Variants in DOCK9 observed in about 807,000 individuals in gnomAD.
DOCK9 encodes dedicator of cytokinesis protein 9.
In DOCK9, 89 loss-of-function variants were observed where a neutral mutation model predicts 263.3. The observed-to-expected ratio is 0.34, with a 90% CI of 0.28 to 0.40. DOCK9 has a LOEUF of 0.40. Among genes scored for constraint, DOCK9 ranks in the 10% least tolerant of loss-of-function variants. DOCK9 has a pLI of 1.00. For missense variants in DOCK9, 2,140 were observed against 2,603.4 expected, an observed-to-expected ratio of 0.82 and a Z score of 3.87; for synonymous variants, 976 against 973.1, an observed-to-expected ratio of 1.00 and a Z score of -0.06.
chr13:98,891,816 GT>G (rs11450748), intron 15 of DOCK9, among the ~76,000 whole-genome samples: 5 of 147,128 alleles, frequency 3.4e-5, no homozygotes, highest in Admixed American at 1.4e-4. Context: ...TTTAAAAGTT[GT>G]TTTTTTTTTT....
chr13:98,948,437 C>T (rs888215263), intron 2 of DOCK9, among the ~76,000 whole-genome samples: 9 of 152,186 alleles, frequency 5.9e-5, no homozygotes, highest in Non-Finnish European at 7.3e-5. Context: ...GGACTCACTC[C>T]TCAACCTGAT....
At chr13:98,856,800 T>G (rs1413841386) in intron 33 of DOCK9, 1 of 152,230 alleles carries the variant, frequency 6.6e-6, no homozygotes, top group Non-Finnish European at 1.5e-5. Flanking sequence ...ATTAAGTTAT[T>G]TGGTCCTAAG....
At chr13:98,936,797 G>A (rs2054924797) in intron 2 of DOCK9, among the ~76,000 whole-genome samples, 1 of 152,110 alleles carries the variant, frequency 6.6e-6, no homozygotes, top group Non-Finnish European at 1.5e-5. Context: ...GCATGAGTGA[G>A]CACTCTGTTT....
chr13:98,860,413 GA>G lies in DOCK9; in HGVS notation c.3688del (p.Ser1230ProfsTer17). ...AGAGCATGGAGCGTTACCAATGCCGGAGATGGCGCCCAGCAGGTCCTTGTGC... is the reference window on the plus strand; with the variant it reads ...AGAGCATGGAGCGTTACCAATGCCGGGATGGCGCCCAGCAGGTCCTTGTGC... ...SLHKDLLGAI[S>X]GIASPYTTST... On this transcript the variant is annotated frameshift_variant, in exon 33 of 53. Coordinates refer to ENST00000682017, the MANE Select transcript of DOCK9 (RefSeq NM_001366683.2). LOFTEE classifies it high-confidence loss of function. The G allele has an allele frequency of 6.3e-7, 1 of 1,586,336 alleles. No homozygotes were observed. The highest frequency in any genetic ancestry group is 8.6e-7 in the Non-Finnish European group (1 of 1,165,054).
chr13:98,855,670 G>A (rs1188211023), intron 34 of DOCK9, among the ~76,000 whole-genome samples: 2 of 152,080 alleles, frequency 1.3e-5, no homozygotes, highest in East Asian at 1.9e-4. Flanking sequence ...CACTCAAGAC[G>A]CTCCACTGCA....
At chr13:98,944,625 C>T (rs1052571137) in intron 2 of DOCK9, among the ~76,000 whole-genome samples, 1 of 152,156 alleles carries the variant, frequency 6.6e-6, no homozygotes, top group African/African-American at 2.4e-5. Flanking sequence ...AGTCCTATGC[C>T]AGGGCACATG....
intron 1 of DOCK9, among the ~76,000 whole-genome samples, chr13:98,989,072 T>C (rs1251050400): frequency 6.6e-6 from 1 of 152,160 alleles, no homozygotes; most frequent in Non-Finnish European, 1.5e-5. Flanking sequence ...CCTCACCTCA[T>C]GTCTCCAGAA....
At chr13:99,050,957 C>A (rs1011062589) in intron 1 of DOCK9, among the ~76,000 whole-genome samples, 2 of 152,222 alleles carry the variant, frequency 1.3e-5, no homozygotes, top group Admixed American at 6.5e-5. Flanking sequence ...CAAGCACAAG[C>A]AGCTCATCCT....
chr13:98,868,297 A>T lies in DOCK9; in HGVS notation c.3024T>A (p.Thr1008=). The T allele has an allele frequency of 6.2e-7, 1 of 1,613,948 alleles. No individual in the cohort carries two copies. Among genetic ancestry groups the T allele is most frequent in the Admixed American group, 1.7e-5 (1 of 60,018 alleles). ...TVVNMLMPHI[T]QKFRDNPEAS... ...CCTCTGGATTATCTCGAAACTTCTG[A>T]GTGATGTGTGGCATCAGCATATTTA... The change falls in exon 28 of 53, where the codon ACT becomes ACA. Residue 1008 remains threonine, a synonymous_variant. Transcript: ENST00000682017.
At chr13:99,053,301 T>C (rs2040785768) in intron 1 of DOCK9, among the ~76,000 whole-genome samples, 1 of 152,206 alleles carries the variant, frequency 6.6e-6, no homozygotes, top group South Asian at 2.1e-4. Flanking sequence ...GCAAAGAAGA[T>C]AAATTTTGTC....
At chr13:98,840,722 G>C (rs2093179074) in intron 38 of DOCK9, among the ~76,000 whole-genome samples, 1 of 152,126 alleles carries the variant, frequency 6.6e-6, no homozygotes, top group Admixed American at 6.5e-5. Flanking sequence ...AGGACATTTG[G>C]GATAGAAGAG....
At chr13:98,907,561 G>GATAT (rs1332406547) in intron 9 of DOCK9, among the ~76,000 whole-genome samples, 2 of 152,164 alleles carry the variant, frequency 1.3e-5, no homozygotes, top group Non-Finnish European at 2.9e-5. Flanking sequence ...ACACCCAACA[G>GATAT]ATATATTCTT....
intron 20 of DOCK9, 184 bp from the exon 21 acceptor site, chr13:98,885,276 G>T: frequency 1.2e-6 from 1 of 816,606 alleles, no homozygotes; most frequent in Non-Finnish European, 1.8e-6. Context: ...AGGCCTTTTC[G>T]GGGTTAGAAT....
intron 2 of DOCK9, among the ~76,000 whole-genome samples, chr13:98,937,722 T>G (rs1443674803): frequency 6.6e-6 from 1 of 151,704 alleles, no homozygotes; most frequent in Non-Finnish European, 1.5e-5. Flanking sequence ...GCTTTTTTTT[T>G]TTTTTTAACA....
intron 38 of DOCK9, among the ~76,000 whole-genome samples, chr13:98,843,490 C>G (rs1183650971): frequency 6.6e-6 from 1 of 152,164 alleles, no homozygotes; most frequent in Non-Finnish European, 1.5e-5. Context: ...CATTCAAACA[C>G]ATAATGAGAA....
intron 1 of DOCK9, among the ~76,000 whole-genome samples, chr13:99,004,092 C>G (rs1266466664): frequency 6.6e-6 from 1 of 152,152 alleles, no homozygotes; most frequent in Non-Finnish European, 1.5e-5. Context: ...TCTGCAGAAA[C>G]GTCCCTCTCC....
chr13:99,005,020 C>G (rs1237646269), intron 1 of DOCK9, among the ~76,000 whole-genome samples: 1 of 151,816 alleles, frequency 6.6e-6, no homozygotes, highest in Non-Finnish European at 1.5e-5. Context: ...CTGCTAGCAC[C>G]TTTGCTTATA....
intron 1 of DOCK9, among the ~76,000 whole-genome samples, chr13:98,984,545 C>A (rs1877996037): frequency 6.6e-6 from 1 of 152,200 alleles, no homozygotes; most frequent in African/African-American, 2.4e-5. Context: ...AATGTAACTA[C>A]TGATTACCTC....
At chr13:98,940,397 G>GT (rs1381189572) in intron 2 of DOCK9, among the ~76,000 whole-genome samples, 8 of 152,086 alleles carry the variant, frequency 5.3e-5, no homozygotes, top group Non-Finnish European at 1.0e-4. Flanking sequence ...CAAGGGCTGA[G>GT]TTTTTTTGTT....
Sources: gnomAD v4.1 joint callset for allele counts (sites outside exome capture counted in the v4.1 genomes callset) on GRCh38, gnomAD v4.1.1 for gene constraint, MANE v1.5 for transcripts, NCBI Gene and HGNC (gene_info 2026-07-23, HGNC 2026-07-21) for gene names.